SDK1: variants seen among roughly 807,000 people sequenced by gnomAD.
SDK1 encodes the protein sidekick cell adhesion molecule 1, also known as protein sidekick-1.
In SDK1, 157 loss-of-function variants were observed where a neutral mutation model predicts 245.5. The observed-to-expected ratio is 0.64, with a 90% CI of 0.56 to 0.73. SDK1 has a LOEUF of 0.73. SDK1 is among the 30% of genes least tolerant of loss of function. The pLI, the probability that SDK1 is intolerant of heterozygous loss-of-function variation, is 0.00. For synonymous variants in SDK1, 1,647 were observed against 1,278.5 expected, an observed-to-expected ratio of 1.29 and a Z score of -6.15; for missense variants, 3,583 against 3,002.3, an observed-to-expected ratio of 1.19 and a Z score of -4.52.
chr7:3,756,053 G>A (rs964393893), intron 4 of SDK1, among the ~76,000 whole-genome samples: 11 of 140,034 alleles, frequency 7.9e-5, no homozygotes, highest in Middle Eastern at 9.8e-3. Flanking sequence ...TATGTATATC[G>A]TGGTTTTAAA....
In SDK1 at chr7:4,163,492, G is replaced by T. The variant is rs542790007; in HGVS notation, c.4800+1636G>T. Among the ~76,000 whole-genome samples, 450 of 152,278 alleles carry T rather than the reference G, an allele frequency of 3.0e-3. 4 individuals carry two copies. Among genetic ancestry groups the T allele is most frequent in the African/African-American group, 0.011 (437 of 41,546 alleles). ...AAAGTGGGGGCTGCGGGAAATGGAA[G>T]GGATGCTGGGAAACACAGCCAAGGC... On this transcript the variant is annotated intron_variant, in intron 32 of 44. Coordinates refer to ENST00000404826, the MANE Select transcript of SDK1 (RefSeq NM_152744.4).
chr7:3,814,804 A>G (rs1779467492), intron 4 of SDK1, among the ~76,000 whole-genome samples: 1 of 150,182 alleles, frequency 6.7e-6, no homozygotes, highest in African/African-American at 2.4e-5. Context: ...AGTGGTTTGT[A>G]GTTCTCCTTG....
chr7:3,454,636 A>G (rs1221282791), intron 1 of SDK1, among the ~76,000 whole-genome samples: 2 of 152,236 alleles, frequency 1.3e-5, no homozygotes, highest in Admixed American at 1.3e-4. Flanking sequence ...TTTACTCAGC[A>G]TAATTCTCTT....
intron 8 of SDK1, among the ~76,000 whole-genome samples, chr7:3,960,856 C>T (rs1453005580): frequency 1.3e-5 from 2 of 152,202 alleles, no homozygotes; most frequent in African/African-American, 2.4e-5. Flanking sequence ...TTAAGGCCAA[C>T]AACTCTGTGA....
intron 23 of SDK1, 113 bp downstream of exon 23, chr7:4,110,885 A>T: frequency 1.4e-6 from 1 of 731,380 alleles, no homozygotes; most frequent in Non-Finnish European, 2.4e-6. Flanking sequence ...GATGTTTCCT[A>T]GTGGCAATAA....
chr7:3,858,988 G>A (rs780277542), intron 5 of SDK1, among the ~76,000 whole-genome samples: 47 of 149,746 alleles, frequency 3.1e-4, no homozygotes, highest in Non-Finnish European at 5.2e-4. Context: ...TCAGCCTCCC[G>A]AGTAGCTGGG....
At chr7:3,675,528 C>G (rs1351131200) in intron 4 of SDK1, among the ~76,000 whole-genome samples, 1 of 151,338 alleles carries the variant, frequency 6.6e-6, no homozygotes, top group African/African-American at 2.4e-5. Context: ...ATAATATGCT[C>G]CCCATTACCT....
At chr7:3,823,677 A>G (rs941637413) in intron 5 of SDK1, among the ~76,000 whole-genome samples, 2 of 152,208 alleles carry the variant, frequency 1.3e-5, no homozygotes, top group African/African-American at 2.4e-5. Context: ...GTTCCTTTGT[A>G]TGTATTTTTT....
rs558397732 is a variant in SDK1, at chr7:3,740,277, C to G, written c.714-81173C>G. Among the ~76,000 whole-genome samples the G allele has an allele frequency of 3.9e-5, 6 of 152,266 alleles. No individual in the cohort carries two copies. In the East Asian group the frequency reaches 1.2e-3, roughly 29 times the overall value. On this transcript the variant is annotated intron_variant, in intron 4 of 44. Coordinates refer to ENST00000404826, the MANE Select transcript of SDK1 (RefSeq NM_152744.4). ...TTCCAGTGCTTTTTCTGGACATGTG[C>G]TTAGCCCTGTACATGTGTGTGACCT...
intron 22 of SDK1, among the ~76,000 whole-genome samples, chr7:4,107,715 G>A (rs960612638): frequency 1.1e-4 from 16 of 152,092 alleles, no homozygotes; most frequent in Admixed American, 6.5e-5. Context: ...CCCAGTATCT[G>A]GTCCCAGCCC....
At chr7:4,205,063 C>T (rs1784139920) in intron 35 of SDK1, among the ~76,000 whole-genome samples, 1 of 87,454 alleles carries the variant, frequency 1.1e-5, no homozygotes, top group Non-Finnish European at 2.3e-5. Flanking sequence ...GTGTGCCATG[C>T]AGCCCTGCAG....
intron 1 of SDK1, among the ~76,000 whole-genome samples, chr7:3,544,736 T>C (rs1235907812): frequency 6.6e-6 from 1 of 152,120 alleles, no homozygotes; most frequent in African/African-American, 2.4e-5. Context: ...TCAGGAAATC[T>C]AGGTTATGCT....
chr7:3,900,778 C>G (rs1276788931), intron 5 of SDK1, among the ~76,000 whole-genome samples: 1 of 152,116 alleles, frequency 6.6e-6, no homozygotes, highest in Non-Finnish European at 1.5e-5. Flanking sequence ...CTGTCACACA[C>G]TCGTTTTAGA....
chr7:3,743,093 C>G (rs1779521825), intron 4 of SDK1, among the ~76,000 whole-genome samples: 1 of 152,138 alleles, frequency 6.6e-6, no homozygotes, highest in Non-Finnish European at 1.5e-5. Flanking sequence ...AGGAAAGGCT[C>G]TGTTCAGGAA....
chr7:4,014,284 T>A (rs1156328470), intron 16 of SDK1, among the ~76,000 whole-genome samples: 1 of 152,136 alleles, frequency 6.6e-6, no homozygotes, highest in Non-Finnish European at 1.5e-5. Flanking sequence ...TTTCTCTGTT[T>A]TGTGGGATTA....
At chr7:3,897,206 A>T (rs1238980767) in intron 5 of SDK1, among the ~76,000 whole-genome samples, 1 of 152,202 alleles carries the variant, frequency 6.6e-6, no homozygotes, top group Non-Finnish European at 1.5e-5. Context: ...AATACATAAC[A>T]TAAAATTTAG....
At chr7:3,611,090 G>A (rs1781574522) in intron 1 of SDK1, among the ~76,000 whole-genome samples, 1 of 152,172 alleles carries the variant, frequency 6.6e-6, no homozygotes, top group South Asian at 2.1e-4. Context: ...TATTTTACAA[G>A]GCAGTAGTAG....
In SDK1 at chr7:3,723,924, G is replaced by GTATA. The variant is rs375367373; in HGVS notation, c.713+81836_713+81839dup. ...TATACACGTACATATATATATACAC[G>GTATA]TATATATATATATATATATAGAGAG... On this transcript the variant is annotated intron_variant, in intron 4 of 44. Transcript: ENST00000404826. Among the ~76,000 whole-genome samples, 575 of 65,256 alleles carry GTATA rather than the reference G, an allele frequency of 8.8e-3. 21 individuals carry two copies. Among genetic ancestry groups the GTATA allele is most frequent in the African/African-American group, 0.021 (301 of 14,286 alleles). The allele number at this position is 65,256 out of a possible 152,430, so 42.8% of individuals were successfully genotyped here. A position where few individuals can be genotyped will look rare whatever the true frequency, so the allele number is the denominator to read the frequency against.
In SDK1 at chr7:3,969,287, G is replaced by A. The variant is rs144938504; in HGVS notation, c.1577G>A (p.Arg526Gln). 1.0e-4 allele frequency: 166 copies of A among 1,608,212 alleles called. No individual in the cohort carries two copies. The highest frequency in any genetic ancestry group is 7.4e-4 in the East Asian group (33 of 44,682). The change falls in exon 11 of 45, where the codon CGG (arginine) becomes CAG (glutamine). Residue 526 changes from arginine to glutamine, a missense_variant. Transcript: ENST00000404826. ...ENHILASGSV[R>Q]IPRFMLLESG... ...CACATTCTGGCCAGTGGCTCTGTCCGGATTCCTAGGTTCATGCTTCTTGAA... is the reference window on the plus strand; with the variant it reads ...CACATTCTGGCCAGTGGCTCTGTCCAGATTCCTAGGTTCATGCTTCTTGAA...
Sources: allele counts gnomAD v4.1 joint callset (sites outside exome capture counted in the v4.1 genomes callset), GRCh38; gene constraint gnomAD v4.1.1; transcripts MANE v1.5; gene names NCBI Gene and HGNC (gene_info 2026-07-23, HGNC 2026-07-21).